Variants in KIF1B observed in about 807,000 individuals in gnomAD.
The protein encoded by KIF1B is kinesin-like protein KIF1B.
KIF1B carries 76 observed loss-of-function variants against 241.9 expected under a neutral mutation model. That is an observed-to-expected ratio of 0.31 (90% CI 0.26 to 0.38). The LOEUF (loss-of-function observed/expected upper bound fraction) is 0.38. Among genes scored for constraint, KIF1B ranks in the 10% least tolerant of loss-of-function variants. The pLI is 1.00. For synonymous variants in KIF1B, 750 were observed against 796.7 expected, an observed-to-expected ratio of 0.94 and a Z score of 0.99; for missense variants, 1,622 against 2,271.4, an observed-to-expected ratio of 0.71 and a Z score of 5.81.
At chr1:10,332,396 TC>T (rs1358620113) in intron 27 of KIF1B, among the ~76,000 whole-genome samples, 1 of 151,020 alleles carries the variant, frequency 6.6e-6, no homozygotes, top group African/African-American at 2.4e-5. Flanking sequence ...CCATTCAGAG[TC>T]TCCTCTAATC....
At chr1:10,364,142 T>C (rs1266849579) in intron 41 of KIF1B, among the ~76,000 whole-genome samples, 1 of 151,930 alleles carries the variant, frequency 6.6e-6, no homozygotes, top group Non-Finnish European at 1.5e-5. Flanking sequence ...TGAGTGTGTG[T>C]ATGTGTGTGT....
chr1:10,281,855 C>T (rs1277311539), intron 14 of KIF1B, among the ~76,000 whole-genome samples: 1 of 152,190 alleles, frequency 6.6e-6, no homozygotes, highest in Non-Finnish European at 1.5e-5. Context: ...TTACACGTAA[C>T]ACTGAGCCAG....
intron 45 of KIF1B, 56 bp downstream of exon 45, chr1:10,371,318 A>G (rs1312874451): frequency 5.8e-5 from 92 of 1,599,566 alleles, no homozygotes; most frequent in East Asian, 1.1e-4. Context: ...GTAAATGTCA[A>G]CCTTCCTCTA....
At chr1:10,309,267 G>C (rs1019776293) in intron 22 of KIF1B, among the ~76,000 whole-genome samples, 1 of 152,156 alleles carries the variant, frequency 6.6e-6, no homozygotes, top group Admixed American at 6.5e-5. Context: ...TGCCTGAATC[G>C]GTCTGCTTCC....
At chr1:10,227,252 C>A (rs1646921254) in intron 1 of KIF1B, among the ~76,000 whole-genome samples, 1 of 151,494 alleles carries the variant, frequency 6.6e-6, no homozygotes, top group East Asian at 2.0e-4. Flanking sequence ...CCAGGATGGT[C>A]TTGATTTCTT....
intron 2 of KIF1B, among the ~76,000 whole-genome samples, chr1:10,238,381 CAAAAAA>C (rs755794359): frequency 1.1e-5 from 1 of 87,136 alleles, no homozygotes; most frequent in Non-Finnish European, 2.3e-5. Context: ...AACTTTGTCT[CAAAAAA>C]AAAAAAAAAA....
At position 10,379,428 on chromosome 1, in the gene KIF1B, T is replaced by G. The variant is rs1472208223; in HGVS notation, c.*2841T>G. On this transcript the variant is annotated 3_prime_UTR_variant, in exon 49 of 49. Coordinates refer to ENST00000676179, the MANE Select transcript of KIF1B (RefSeq NM_001365951.3). Reference sequence around the variant, plus strand: ...GGGCGCCCCTGCTGCGGCTGGCAGGTGCAGACAGCCTTTGCTGGTCCCCAG... The same window carrying G: ...GGGCGCCCCTGCTGCGGCTGGCAGGGGCAGACAGCCTTTGCTGGTCCCCAG... 4 of 231,410 alleles carry G rather than the reference T, an allele frequency of 1.7e-5. No homozygotes were observed. The highest frequency in any genetic ancestry group is 3.4e-5 in the Non-Finnish European group (4 of 116,724). 14.3% of individuals were successfully genotyped at this position (231,410 alleles called of 1,614,324 possible). A position where few individuals can be genotyped will look rare whatever the true frequency, so the allele number is the denominator to read the frequency against.
chr1:10,254,786 A>C (rs771115604), intron 2 of KIF1B, among the ~76,000 whole-genome samples: 6 of 145,902 alleles, frequency 4.1e-5, no homozygotes, highest in Non-Finnish European at 6.0e-5. Context: ...CTGAGGCAGG[A>C]GAATGGCGTG....
chr1:10,275,171 G>A (rs924345400), intron 10 of KIF1B, among the ~76,000 whole-genome samples: 4 of 152,124 alleles, frequency 2.6e-5, no homozygotes, highest in African/African-American at 9.7e-5. Context: ...TGCACGTTGG[G>A]TATGGTAGCT....
Position 10,377,498 on chromosome 1 carries a change from T to G in KIF1B, c.*911T>G, listed in dbSNP as rs1638919765. On this transcript the variant is annotated 3_prime_UTR_variant, in exon 49 of 49. Coordinates refer to ENST00000676179, the MANE Select transcript of KIF1B (RefSeq NM_001365951.3). ...TTTTCTCTGTTGGGAGGGAAGCTCT[T>G]TTCTAGGAGTGTCTCAGTTCTGCTT... 4.4e-6 allele frequency: 1 copy of G among 227,396 alleles called. No individual in the cohort carries two copies. The highest frequency in any genetic ancestry group is 2.2e-5 in the African/African-American group (1 of 44,966). 14.1% of individuals were successfully genotyped at this position (227,396 alleles called of 1,614,324 possible).
At chr1:10,351,189 G>GT (rs546741564) in intron 37 of KIF1B, among the ~76,000 whole-genome samples, 76 of 147,152 alleles carry the variant, frequency 5.2e-4, no homozygotes, top group African/African-American at 1.1e-3. Flanking sequence ...TTTTAATTTA[G>GT]TTTTTTTTTT....
chr1:10,303,098 T>C lies in KIF1B; in HGVS notation c.2115+5852T>C. 1 of 1,551,260 alleles carries C rather than the reference T, an allele frequency of 6.4e-7. No homozygotes were observed. The highest frequency in any genetic ancestry group is 1.2e-5 in the South Asian group (1 of 82,092). On this transcript the variant is annotated intron_variant, in intron 22 of 48. Transcript: ENST00000676179. This position sits in a 1 kb window ranked among gnomAD's most constrained non-coding sequence, Gnocchi z 5.2. ...TTTGCTTGCTTTTTCTTCGATTTAATTTTCCTTTTTTACATTTTAATTTTG... is the reference window on the plus strand; with the variant it reads ...TTTGCTTGCTTTTTCTTCGATTTAACTTTCCTTTTTTACATTTTAATTTTG...
At chr1:10,249,090 G>C (rs1006752793) in intron 2 of KIF1B, among the ~76,000 whole-genome samples, 1 of 152,214 alleles carries the variant, frequency 6.6e-6, no homozygotes, top group Admixed American at 6.5e-5. Context: ...ACTTGTCCTA[G>C]ACAAAGCCTA....
chr1:10,213,075 A>T (rs1646718833), intron 1 of KIF1B, among the ~76,000 whole-genome samples: 1 of 151,844 alleles, frequency 6.6e-6, no homozygotes, highest in African/African-American at 2.4e-5. Context: ...TTTTTGCATT[A>T]CACTAGTATG....
chr1:10,277,997 G>T lies in KIF1B; in HGVS notation c.1049G>T (p.Arg350Leu). 1 of 1,613,708 alleles carries T rather than the reference G, an allele frequency of 6.2e-7. No homozygotes were observed. Among genetic ancestry groups the T allele is most frequent in the Non-Finnish European group, 8.5e-7 (1 of 1,179,792 alleles). ...ETLSTLRYADRAKQIKCNAVI... is the reference protein window; with the variant it reads ...ETLSTLRYADLAKQIKCNAVI... ...CTTTTTGGATCTAGATATGCAGATC[G>T]TGCAAAACAAATTAAATGCAATGCT... The change falls in exon 13 of 49, where the codon CGT becomes CTT. Residue 350 changes from arginine (R) to leucine (L), a missense_variant. Coordinates refer to ENST00000676179, the MANE Select transcript of KIF1B (RefSeq NM_001365951.3).
At chr1:10,314,911 TA>T (rs1651234553) in intron 22 of KIF1B, among the ~76,000 whole-genome samples, 1 of 151,542 alleles carries the variant, frequency 6.6e-6, no homozygotes, top group Non-Finnish European at 1.5e-5. Flanking sequence ...GATAAAGTAT[TA>T]ACATTTTTTT....
At position 10,326,118 on chromosome 1, in the gene KIF1B, A is replaced by G. The variant is rs1651712318; in HGVS notation, c.2683A>G (p.Ile895Val). ...HWFKLVGSSP[I>V]FHGCVNERLA... is the part of the protein sequence containing the mutation. ...GTCTTACCTGGTGTCTAGCTCCCCC[A>G]TTTTCCACGGCTGTGTGAACGAGCG... Residue 895 changes from isoleucine to valine, a missense_variant, in exon 27 of 49, where the codon ATT (isoleucine) becomes GTT (valine). Transcript: ENST00000676179. The surrounding 1 kb of genome is among the most constrained non-coding windows in gnomAD (Gnocchi z 5.2). The G allele has an allele frequency of 6.2e-7, 1 of 1,613,144 alleles. No individual in the cohort carries two copies. Among genetic ancestry groups the G allele is most frequent in the East Asian group, 2.2e-5 (1 of 44,858 alleles).
intron 1 of KIF1B, 66 bp from the exon 2 acceptor site, chr1:10,232,184 T>G: frequency 1.5e-6 from 1 of 646,604 alleles, no homozygotes; most frequent in Non-Finnish European, 2.8e-6. Flanking sequence ...GTAGTTCTTA[T>G]GCTTAAGTTA....
chr1:10,261,737 C>T (rs1216337911), intron 4 of KIF1B, among the ~76,000 whole-genome samples, 168 bp from the exon 5 acceptor site: 2 of 152,064 alleles, frequency 1.3e-5, no homozygotes, highest in Admixed American at 6.6e-5. Context: ...GGTTATGCAG[C>T]GCATGACTGA....
Sources: allele counts gnomAD v4.1 joint callset (sites outside exome capture counted in the v4.1 genomes callset), GRCh38; gene constraint gnomAD v4.1.1; non-coding constraint Gnocchi (gnomAD v3.1); transcripts MANE v1.5; gene names NCBI Gene and HGNC (gene_info 2026-07-23, HGNC 2026-07-21).